The following CD38 variants were observed in gnomAD, a reference collection of about 807,000 sequenced individuals.
CD38 encodes ADP-ribosyl cyclase/cyclic ADP-ribose hydrolase 1.
A neutral mutation model predicts 36.3 loss-of-function variants in CD38; 31 were observed. The observed-to-expected ratio is 0.85, with a 90% CI of 0.64 to 1.15. The LOEUF (loss-of-function observed/expected upper bound fraction) is 1.15, where lower values mean the gene tolerates loss of function less well. Ranked by LOEUF, CD38 falls within the 50% of genes most tolerant of loss-of-function variation. CD38 has a pLI of 0.00. For missense variants in CD38, 380 were observed against 371.9 expected, an observed-to-expected ratio of 1.02 and a Z score of -0.18; for synonymous variants, 131 against 135.2, an observed-to-expected ratio of 0.97 and a Z score of 0.22.
Position 15,852,586 on chromosome 4 carries a change from T to C in CD38, c.*3984T>C, listed in dbSNP as rs1724411676. Reference sequence around the variant, plus strand: ...AACTTTAAGTCATTTTATCAACACATTGCTAATCCAGATATTTTCCCGCAG... The same window carrying C: ...AACTTTAAGTCATTTTATCAACACACTGCTAATCCAGATATTTTCCCGCAG... On this transcript the variant is annotated 3_prime_UTR_variant, in exon 8 of 8. Coordinates refer to ENST00000226279, the MANE Select transcript of CD38 (RefSeq NM_001775.4). 1 of 152,188 alleles carries C rather than the reference T, an allele frequency of 6.6e-6. No homozygotes were observed. The highest frequency in any genetic ancestry group is 2.4e-5 in the African/African-American group (1 of 41,434). 9.4% of individuals were successfully genotyped at this position (152,188 alleles called of 1,614,324 possible).
intron 1 of CD38, among the ~76,000 whole-genome samples, chr4:15,785,524 G>C (rs771607559): frequency 6.9e-6 from 1 of 144,142 alleles, no homozygotes; most frequent in Admixed American, 6.7e-5. Context: ...GTTCAGCCTG[G>C]AGAACGTTCC....
In CD38 at chr4:15,823,785, C is replaced by T. The variant is rs549870396; in HGVS notation, c.364-1096C>T. ...CCTCAAAGATCTAGAACTAGAAATA[C>T]CGTTTGACCCAGCAATCCCATTACT... On this transcript the variant is annotated intron_variant, in intron 2 of 7. Transcript: ENST00000226279. 2.6e-5 allele frequency among the ~76,000 whole-genome samples: 4 copies of T among 152,260 alleles called. No homozygotes were observed. In the South Asian group the frequency reaches 8.3e-4, roughly 32 times the overall value.
rs1724351161 is a variant in CD38 at position 15,850,034 on chromosome 4, T to C, written c.*1432T>C. 1 of 152,084 alleles carries C rather than the reference T, an allele frequency of 6.6e-6. No homozygotes were observed. Among genetic ancestry groups the C allele is most frequent in the African/African-American group, 2.4e-5 (1 of 41,406 alleles). 9.4% of individuals were successfully genotyped at this position (152,084 alleles called of 1,614,324 possible). Reference sequence around the variant, plus strand: ...TTTTGAAAAAAACATAAGCCAGGCATGGTGGCTCACACCTGTATCCCCAGC... The same window carrying C: ...TTTTGAAAAAAACATAAGCCAGGCACGGTGGCTCACACCTGTATCCCCAGC... On this transcript the variant is annotated 3_prime_UTR_variant, in exon 8 of 8. Transcript: ENST00000226279.
In CD38 at chr4:15,838,139, C is replaced by G; in HGVS notation, c.633C>G (p.Ser211=). 1 of 1,613,596 alleles carries G rather than the reference C, an allele frequency of 6.2e-7. No individual in the cohort carries two copies. Among genetic ancestry groups the G allele is most frequent in the Non-Finnish European group, 8.5e-7 (1 of 1,179,732 alleles). ...CDVVHVMLNG[S]RSKIFDKNST... is the part of the protein sequence containing the mutation. ...TGGTCCATGTGATGCTCAATGGATC[C>G]CGCAGTAAAATCTTTGACAAAAACA... Residue 211 remains serine, a synonymous_variant, in exon 5 of 8, where the codon TCC becomes TCG. Coordinates refer to ENST00000226279, the MANE Select transcript of CD38 (RefSeq NM_001775.4).
intron 1 of CD38, among the ~76,000 whole-genome samples, chr4:15,796,941 C>A (rs568741406): frequency 9.7e-4 from 148 of 152,266 alleles, no homozygotes; most frequent in African/African-American, 3.2e-3. Flanking sequence ...TGAAATCCTT[C>A]TGTATGTATA....
chr4:15,821,367 C>A (rs953053348), intron 2 of CD38, among the ~76,000 whole-genome samples: 2 of 148,952 alleles, frequency 1.3e-5, no homozygotes, highest in Non-Finnish European at 3.0e-5. Flanking sequence ...GATAGAGACA[C>A]AAAAATCCCT....
In CD38 at chr4:15,816,659, T is replaced by C. The variant is rs1452114193; in HGVS notation, c.363+19T>C. 8 of 1,612,868 alleles carry C rather than the reference T, an allele frequency of 5.0e-6. No homozygotes were observed. The highest frequency in any genetic ancestry group is 6.8e-6 in the Non-Finnish European group (8 of 1,179,238). On this transcript the variant is annotated intron_variant, in intron 2 of 7. Coordinates refer to ENST00000226279, the MANE Select transcript of CD38 (RefSeq NM_001775.4). ...CAACAAGGTAATTGGGGGCATGCCATTGATTTTAAAACTGGGGATAAAAGC... is the reference window on the plus strand; with the variant it reads ...CAACAAGGTAATTGGGGGCATGCCACTGATTTTAAAACTGGGGATAAAAGC...
intron 2 of CD38, among the ~76,000 whole-genome samples, chr4:15,822,622 A>T (rs1723763041): frequency 6.6e-6 from 1 of 152,176 alleles, no homozygotes; most frequent in Non-Finnish European, 1.5e-5. Context: ...AATACAGCAA[A>T]CAAGGGAAGT....
chr4:15,800,918 A>T (rs1027132403), intron 1 of CD38, among the ~76,000 whole-genome samples: 63 of 152,130 alleles, frequency 4.1e-4, no homozygotes, highest in Non-Finnish European at 6.6e-4. Flanking sequence ...AAACCCCCAA[A>T]CTCCAAATTA....
intron 4 of CD38, among the ~76,000 whole-genome samples, chr4:15,836,296 G>C (rs56847340): frequency 0.059 from 8,934 of 152,232 alleles, 362 homozygotes; most frequent in East Asian, 0.18. Context: ...TTACATGGCA[G>C]AGGCAGAGGG....
chr4:15,796,640 G>A (rs1435493458), intron 1 of CD38, among the ~76,000 whole-genome samples: 4 of 151,926 alleles, frequency 2.6e-5, no homozygotes, highest in Admixed American at 6.6e-5. Context: ...TCTTTCCGCC[G>A]ATTTTCTTTT....
At chr4:15,816,741 C>A in intron 2 of CD38, 101 bp downstream of exon 2, 2 of 1,271,200 alleles carry the variant, frequency 1.6e-6, no homozygotes, top group Non-Finnish European at 1.1e-6. Flanking sequence ...GAGGAAAAAT[C>A]CAGACATTAT....
chr4:15,790,300 A>G (rs1722937716), intron 1 of CD38, among the ~76,000 whole-genome samples: 1 of 151,024 alleles, frequency 6.6e-6, no homozygotes, highest in South Asian at 2.1e-4. Flanking sequence ...CTCCTGCCTC[A>G]GCCTGCCGAG....
intron 1 of CD38, among the ~76,000 whole-genome samples, chr4:15,787,775 G>A (rs958386277): frequency 1.4e-4 from 21 of 152,152 alleles, no homozygotes; most frequent in Non-Finnish European, 2.2e-4. Context: ...GGGGACTGCC[G>A]AAGAGTCAGC....
At chr4:15,814,961 C>T (rs1041215654) in intron 1 of CD38, among the ~76,000 whole-genome samples, 72 of 151,968 alleles carry the variant, frequency 4.7e-4, no homozygotes, top group African/African-American at 1.3e-3. Context: ...CATGTATCAC[C>T]GCGCCTGGCT....
Position 15,848,682 on chromosome 4 carries a change from C to G in CD38, c.*80C>G. ...ACATGACTCAGCATACCTGCTGGTG[C>G]AGAGCTGAAGATTTTGGAGGGTCCT... On this transcript the variant is annotated 3_prime_UTR_variant, in exon 8 of 8. Transcript: ENST00000226279. 8.3e-7 allele frequency: 1 copy of G among 1,199,304 alleles called. No homozygotes were observed. Among genetic ancestry groups the G allele is most frequent in the Non-Finnish European group, 1.2e-6 (1 of 811,628 alleles). The allele number at this position is 1,199,304 out of a possible 1,614,324, so 74.3% of individuals were successfully genotyped here.
At chr4:15,791,361 GC>G (rs1332306131) in intron 1 of CD38, among the ~76,000 whole-genome samples, 1 of 42,490 alleles carries the variant, frequency 2.4e-5, no homozygotes, top group Non-Finnish European at 3.9e-5. Flanking sequence ...GTGGGGGTCA[GC>G]CCCCCGCCCG....
Position 15,831,363 on chromosome 4 carries a change from A to G in CD38, c.500-2854A>G, listed in dbSNP as rs1723954676. Among the ~76,000 whole-genome samples, 3 of 152,150 alleles carry G rather than the reference A, an allele frequency of 2.0e-5. No individual in the cohort carries two copies. The South Asian group carries it at 6.2e-4, about 32-fold the overall frequency. The stretch of plus-strand genomic sequence containing the variant: ...TTCTGTGGTTTTCTGTGTACTTACT[A>G]CTGCCAGTGAGTTTTGTACCTTCAG... On this transcript the variant is annotated intron_variant, in intron 3 of 7. Transcript: ENST00000226279.
At chr4:15,848,101 G>C (rs923797938) in intron 7 of CD38, among the ~76,000 whole-genome samples, 2 of 152,138 alleles carry the variant, frequency 1.3e-5, no homozygotes, top group African/African-American at 4.8e-5. Flanking sequence ...CTATTCATGT[G>C]CCAGCCACTC....
Sources: allele counts gnomAD v4.1 joint callset (sites outside exome capture counted in the v4.1 genomes callset), GRCh38; gene constraint gnomAD v4.1.1; transcripts MANE v1.5; gene names NCBI Gene and HGNC (gene_info 2026-07-23, HGNC 2026-07-21).